Variants in MAP3K5 observed in about 807,000 individuals in gnomAD.
MAP3K5 encodes ASK-1.
In MAP3K5, 56 loss-of-function variants were observed where a neutral mutation model predicts 158.7. That is an observed-to-expected ratio of 0.35 (90% CI 0.28 to 0.44). MAP3K5 has a LOEUF of 0.44. Ranked by LOEUF, MAP3K5 falls within the 20% of genes least tolerant of loss-of-function variation. The pLI, the probability that MAP3K5 is intolerant of heterozygous loss-of-function variation, is 1.00. For synonymous variants in MAP3K5, 579 were observed against 601.7 expected (o/e 0.96, Z 0.55); for missense variants, 1,294 against 1,674.8 (o/e 0.77, Z 3.97).
Position 136,697,216 on chromosome 6 carries a change from C to A in MAP3K5, c.975+3G>T. On this transcript the variant is annotated splice_donor_region_variant and intron_variant, in intron 5 of 29. Coordinates refer to ENST00000359015, the MANE Select transcript of MAP3K5 (RefSeq NM_005923.4). ...AAAGATTTCACTTTAAACATCTTCTCACCTGGATATCTCTGTAGGAAAGTA... is the reference window on the plus strand; with the variant it reads ...AAAGATTTCACTTTAAACATCTTCTAACCTGGATATCTCTGTAGGAAAGTA... 6.2e-7 allele frequency: 1 copy of A among 1,609,138 alleles called. No homozygotes were observed. Among genetic ancestry groups the A allele is most frequent in the Non-Finnish European group, 8.5e-7 (1 of 1,176,970 alleles).
At chr6:136,720,427 C>T (rs2114779018) in intron 2 of MAP3K5, 23 bp downstream of exon 2, 3 of 1,542,326 alleles carry the variant, frequency 1.9e-6, no homozygotes, top group Non-Finnish European at 2.6e-6. Flanking sequence ...TAAAATGAAA[C>T]ATTCAGTAAA....
intron 15 of MAP3K5, among the ~76,000 whole-genome samples, chr6:136,616,344 G>A (rs955053992): frequency 6.8e-5 from 9 of 132,148 alleles, no homozygotes; most frequent in South Asian, 4.6e-4. Context: ...CACTCTTGTC[G>A]CCCAGGCTGG....
chr6:136,669,934 A>C (rs1023517279), intron 7 of MAP3K5, among the ~76,000 whole-genome samples: 14 of 151,760 alleles, frequency 9.2e-5, no homozygotes, highest in African/African-American at 2.4e-4. Flanking sequence ...ATAAACATTT[A>C]AAAATGAGAA....
chr6:136,622,085 CAA>C (rs57596059), intron 15 of MAP3K5, among the ~76,000 whole-genome samples: 20 of 94,746 alleles, frequency 2.1e-4, no homozygotes, highest in Admixed American at 3.2e-4. Flanking sequence ...GACTCCGTCT[CAA>C]AAAAAAAAAA....
At chr6:136,767,280 A>C (rs1784005443) in intron 1 of MAP3K5, among the ~76,000 whole-genome samples, 1 of 152,006 alleles carries the variant, frequency 6.6e-6, no homozygotes, top group Non-Finnish European at 1.5e-5. Context: ...GGAAGACAAC[A>C]TAAAGGAGGG....
intron 14 of MAP3K5, among the ~76,000 whole-genome samples, chr6:136,626,920 G>C (rs1016920970): frequency 6.6e-6 from 1 of 152,130 alleles, no homozygotes; most frequent in African/African-American, 2.4e-5. Flanking sequence ...TTTGAAACCA[G>C]CTTGTGAGAT....
At chr6:136,667,707 C>T (rs576997148) in intron 8 of MAP3K5, among the ~76,000 whole-genome samples, 20 of 151,030 alleles carry the variant, frequency 1.3e-4, no homozygotes, top group Admixed American at 5.3e-4. Context: ...AAAAATTATC[C>T]GGGTGTGGTG....
intron 7 of MAP3K5, among the ~76,000 whole-genome samples, chr6:136,680,388 T>C (rs1434733818): frequency 6.6e-6 from 1 of 152,232 alleles, no homozygotes; most frequent in Non-Finnish European, 1.5e-5. Context: ...TATTCCATCC[T>C]TTGGAAACGT....
At chr6:136,614,487 C>T (rs1216950906) in intron 15 of MAP3K5, among the ~76,000 whole-genome samples, 5 of 152,134 alleles carry the variant, frequency 3.3e-5, no homozygotes, top group African/African-American at 1.2e-4. Flanking sequence ...GTGTCAGGTA[C>T]TAAGCCAGTT....
intron 7 of MAP3K5, among the ~76,000 whole-genome samples, chr6:136,682,067 G>C (rs1037937036): frequency 1.3e-5 from 2 of 152,178 alleles, no homozygotes; most frequent in African/African-American, 2.4e-5. Context: ...AGCAGCTATG[G>C]ACACACTGTG....
intron 7 of MAP3K5, among the ~76,000 whole-genome samples, chr6:136,669,633 T>TAA (rs34591346): frequency 1.3e-5 from 2 of 151,814 alleles, no homozygotes; most frequent in African/African-American, 4.8e-5. Context: ...CCCTAGTCTT[T>TAA]AAAAAAATCC....
At chr6:136,593,272 C>T (rs868269449) in intron 21 of MAP3K5, among the ~76,000 whole-genome samples, 2 of 152,218 alleles carry the variant, frequency 1.3e-5, no homozygotes, top group Non-Finnish European at 2.9e-5. Context: ...ACATGAGCTG[C>T]TTCTTTATTT....
chr6:136,674,432 A>G (rs1047709403), intron 7 of MAP3K5, among the ~76,000 whole-genome samples: 1 of 152,054 alleles, frequency 6.6e-6, no homozygotes, highest in Admixed American at 6.6e-5. Context: ...TGTAATCTCT[A>G]GGGAATACTC....
At chr6:136,763,182 C>T (rs910714880) in intron 1 of MAP3K5, among the ~76,000 whole-genome samples, 4 of 152,020 alleles carry the variant, frequency 2.6e-5, no homozygotes, top group Admixed American at 2.0e-4. Flanking sequence ...TTTGTAGAGA[C>T]GGGGCATCAC....
At chr6:136,631,479 G>C (rs912570549) in intron 14 of MAP3K5, among the ~76,000 whole-genome samples, 1 of 151,528 alleles carries the variant, frequency 6.6e-6, no homozygotes, top group Non-Finnish European at 1.5e-5. Flanking sequence ...TCTTCCTGCA[G>C]ATATTTGAGT....
At chr6:136,592,654 TAAAAAATGTACACATACTGAAAC>T (rs781372626) in intron 21 of MAP3K5, 40 bp from the exon 22 acceptor site, 1 of 1,546,386 alleles carries the variant, frequency 6.5e-7, no homozygotes, top group Non-Finnish European at 8.9e-7. Context: ...ATTGACACTT[TAAAAAATGTACACATACTGAAAC>T]ACCCATTGAA....
At chr6:136,718,096 TCA>T (rs1781600052) in intron 2 of MAP3K5, among the ~76,000 whole-genome samples, 2 of 152,204 alleles carry the variant, frequency 1.3e-5, no homozygotes, top group East Asian at 3.8e-4. Context: ...CCTAGCTATA[TCA>T]CCTTAGGCAA....
intron 1 of MAP3K5, among the ~76,000 whole-genome samples, chr6:136,763,156 C>A (rs1271518242): frequency 6.6e-6 from 1 of 152,134 alleles, no homozygotes; most frequent in Non-Finnish European, 1.5e-5. Context: ...CCATGCCCAG[C>A]TAATTTTTTC....
At chr6:136,695,818 T>A in intron 6 of MAP3K5, 133 bp downstream of exon 6, 1 of 505,942 alleles carries the variant, frequency 2.0e-6, no homozygotes, top group East Asian at 3.1e-5. Flanking sequence ...TTCATGGGGC[T>A]GAAGCAGATA....
Sources: allele counts gnomAD v4.1 joint callset (sites outside exome capture counted in the v4.1 genomes callset), GRCh38; gene constraint gnomAD v4.1.1; transcripts MANE v1.5; gene names NCBI Gene and HGNC (gene_info 2026-07-23, HGNC 2026-07-21).